The following CNTN5 variants were observed in gnomAD, a reference collection of about 807,000 sequenced individuals.
The protein encoded by CNTN5 is contactin 5.
A neutral mutation model predicts 129.1 loss-of-function variants in CNTN5; 77 were observed. The observed-to-expected ratio is 0.60, with a 90% CI of 0.50 to 0.72. CNTN5 has a LOEUF of 0.72. Ranked by LOEUF, CNTN5 falls within the 30% of genes least tolerant of loss-of-function variation. The pLI is 0.00. For missense variants in CNTN5, 1,478 were observed against 1,328.8 expected, an observed-to-expected ratio of 1.11 and a Z score of -1.75; for synonymous variants, 509 against 465.6, an observed-to-expected ratio of 1.09 and a Z score of -1.20.
intron 3 of CNTN5, among the ~76,000 whole-genome samples, chr11:99,726,941 A>G (rs903275425): frequency 3.3e-5 from 5 of 152,170 alleles, no homozygotes; most frequent in African/African-American, 1.2e-4. Flanking sequence ...AATTTACATA[A>G]AAGATAATAG....
chr11:100,309,651 A>G (rs2138925741), intron 21 of CNTN5: 1 of 983,992 alleles, frequency 1.0e-6, no homozygotes, highest in South Asian at 4.7e-5. Flanking sequence ...GCAAATGATA[A>G]TATATATATT....
intron 2 of CNTN5, among the ~76,000 whole-genome samples, chr11:99,428,559 C>CAAAAAAA (rs60754666): frequency 1.7e-5 from 1 of 57,316 alleles, no homozygotes; most frequent in African/African-American, 5.8e-5. Flanking sequence ...GACCCTGTCT[C>CAAAAAAA]AAAAAAAAAA....
At chr11:100,197,490 T>C (rs1221596267) in intron 15 of CNTN5, among the ~76,000 whole-genome samples, 1 of 152,110 alleles carries the variant, frequency 6.6e-6, no homozygotes, top group Non-Finnish European at 1.5e-5. Context: ...ATAACCATCC[T>C]GTAACCAAAT....
intron 13 of CNTN5, among the ~76,000 whole-genome samples, chr11:100,185,308 C>A (rs1948265781): frequency 6.6e-6 from 1 of 152,044 alleles, no homozygotes; most frequent in South Asian, 2.1e-4. Flanking sequence ...TCATTTCTAG[C>A]TTTTTGCAAC....
chr11:99,920,908 G>A (rs546589317), intron 7 of CNTN5, among the ~76,000 whole-genome samples: 1 of 152,036 alleles, frequency 6.6e-6, no homozygotes, highest in African/African-American at 2.4e-5. Context: ...TGGAGATGGG[G>A]CTTTTTTTTA....
At chr11:99,468,914 G>A (rs1591113742) in intron 2 of CNTN5, among the ~76,000 whole-genome samples, 1 of 151,890 alleles carries the variant, frequency 6.6e-6, no homozygotes, top group South Asian at 2.1e-4. Context: ...CATGTTAATA[G>A]CATCTATTTG....
intron 2 of CNTN5, among the ~76,000 whole-genome samples, chr11:99,390,302 T>A (rs1265994308): frequency 6.6e-6 from 1 of 152,066 alleles, no homozygotes; most frequent in East Asian, 1.9e-4. Flanking sequence ...TTATTTTTCA[T>A]AGAGATGGGG....
intron 3 of CNTN5, among the ~76,000 whole-genome samples, chr11:99,696,767 T>C (rs572937770): frequency 8.5e-5 from 13 of 152,164 alleles, no homozygotes; most frequent in African/African-American, 2.9e-4. Context: ...GTTATTGGTA[T>C]CTTGGTTTGG....
intron 6 of CNTN5, among the ~76,000 whole-genome samples, chr11:99,846,339 C>T (rs1337842603): frequency 4.9e-5 from 5 of 102,798 alleles, no homozygotes; most frequent in African/African-American, 2.0e-4. Flanking sequence ...GCCTGGGCGA[C>T]AGAGTGAGGA....
At chr11:99,417,479 C>T (rs1402406202) in intron 2 of CNTN5, among the ~76,000 whole-genome samples, 1 of 152,088 alleles carries the variant, frequency 6.6e-6, no homozygotes, top group Non-Finnish European at 1.5e-5. Flanking sequence ...TAAGTTTTTG[C>T]TAGAAATGCA....
intron 13 of CNTN5, among the ~76,000 whole-genome samples, chr11:100,114,164 T>C (rs1363062797): frequency 2.0e-5 from 3 of 152,138 alleles, no homozygotes; most frequent in Non-Finnish European, 4.4e-5. Flanking sequence ...TGTGTTCCAC[T>C]GTATGAGATC....
chr11:99,914,445 A>T (rs1379704583), intron 6 of CNTN5, among the ~76,000 whole-genome samples: 2 of 152,148 alleles, frequency 1.3e-5, no homozygotes, highest in Non-Finnish European at 2.9e-5. Flanking sequence ...ACAGACAATC[A>T]TGTGTATGTT....
chr11:99,113,969 G>C (rs772809792), intron 1 of CNTN5, among the ~76,000 whole-genome samples: 1 of 152,070 alleles, frequency 6.6e-6, no homozygotes, highest in Non-Finnish European at 1.5e-5. Context: ...AGCACTTGGT[G>C]CATCCCTCTC....
At chr11:99,511,258 G>T (rs914414831) in intron 2 of CNTN5, among the ~76,000 whole-genome samples, 1 of 152,012 alleles carries the variant, frequency 6.6e-6, no homozygotes, top group African/African-American at 2.4e-5. Context: ...GTTCTCGTTG[G>T]TTTCAAAGAA....
chr11:99,314,676 G>C (rs892606950), intron 1 of CNTN5, among the ~76,000 whole-genome samples: 1 of 151,878 alleles, frequency 6.6e-6, no homozygotes, highest in Admixed American at 6.6e-5. Context: ...CTGCTATTAA[G>C]TAACAGTGAG....
intron 8 of CNTN5, among the ~76,000 whole-genome samples, chr11:99,959,780 CAAAAAAACCAGGTAGG>C (rs1950893538): frequency 6.6e-6 from 1 of 151,912 alleles, no homozygotes; most frequent in African/African-American, 2.4e-5. Context: ...TTAACAAAAA[CAAAAAAACCAGGTAGG>C]AAGCATCTGC....
At chr11:99,724,974 TAA>T (rs1348187727) in intron 3 of CNTN5, among the ~76,000 whole-genome samples, 1 of 152,238 alleles carries the variant, frequency 6.6e-6, no homozygotes, top group African/African-American at 2.4e-5. Flanking sequence ...GCGCCAATGC[TAA>T]GTTTTCTAAA....
chr11:99,737,937 T>A (rs1387168435), intron 3 of CNTN5, among the ~76,000 whole-genome samples: 1 of 152,158 alleles, frequency 6.6e-6, no homozygotes, highest in African/African-American at 2.4e-5. Flanking sequence ...GCATAAAATC[T>A]TTGAAATTGT....
intron 1 of CNTN5, among the ~76,000 whole-genome samples, chr11:99,114,934 T>A (rs558193930): frequency 6.6e-6 from 1 of 152,170 alleles, no homozygotes; most frequent in Non-Finnish European, 1.5e-5. Flanking sequence ...TGGAAGGTGA[T>A]TGGACCATAA....
Sources: allele counts gnomAD v4.1 joint callset (sites outside exome capture counted in the v4.1 genomes callset), GRCh38; gene constraint gnomAD v4.1.1; transcripts MANE v1.5; gene names NCBI Gene and HGNC (gene_info 2026-07-23, HGNC 2026-07-21).